The following SQOR variants were observed in gnomAD, a reference collection of about 807,000 sequenced individuals.
The protein encoded by SQOR is sulfide:quinone oxidoreductase, mitochondrial.
SQOR carries 39 observed loss-of-function variants against 48.6 expected under a neutral mutation model. The ratio of observed to expected loss-of-function variants is 0.80; its 90% CI spans 0.62 to 1.05. The LOEUF (loss-of-function observed/expected upper bound fraction) is 1.05. SQOR is among the 50% of genes least tolerant of loss of function. The probability of loss-of-function intolerance (pLI) is 0.00; values close to 1 mark genes in which losing one functional copy is unlikely to be tolerated. For missense variants in SQOR, 561 were observed against 559.9 expected, an observed-to-expected ratio of 1.00 and a Z score of -0.02; for synonymous variants, 220 against 206.2, an observed-to-expected ratio of 1.07 and a Z score of -0.57.
chr15:45,689,093 G>A lies in SQOR; in HGVS notation c.1171G>A (p.Ala391Thr). Residue 391 changes from alanine (A) to threonine (T), a missense_variant, in exon 9 of 10, where the codon GCT (alanine) becomes ACT (threonine). Ala to Thr is a moderately conservative substitution (Grantham distance 58). Coordinates refer to ENST00000260324, the MANE Select transcript of SQOR (RefSeq NM_021199.4). ...GACCGGCTACAACCGTGTGATTCTT[G>A]CTGAGTTTGACTACAAAGCAGAGCC... is the stretch of plus-strand genomic sequence containing the variant. The part of the protein sequence containing the change: ...LVTGYNRVIL[A>T]EFDYKAEPLE... 1 of 1,614,118 alleles carries A rather than the reference G, an allele frequency of 6.2e-7. No homozygotes were observed. The highest frequency in any genetic ancestry group is 8.5e-7 in the Non-Finnish European group (1 of 1,180,020).
intron 1 of SQOR, among the ~76,000 whole-genome samples, chr15:45,654,504 A>G (rs1053775399): frequency 1.5e-4 from 23 of 152,212 alleles, no homozygotes; most frequent in Admixed American, 1.5e-3. Flanking sequence ...TGGATAATTA[A>G]TGAAATAAAG....
At chr15:45,669,862 C>T (rs1054481848) in intron 3 of SQOR, 66 bp from the exon 4 acceptor site, 15 of 1,384,940 alleles carry the variant, frequency 1.1e-5, no homozygotes, top group Non-Finnish European at 1.5e-5. Context: ...CATCTGGGGC[C>T]TGAGTCAGTC....
At chr15:45,690,668 A>C (rs897855164) in intron 9 of SQOR, among the ~76,000 whole-genome samples, 1 of 141,630 alleles carries the variant, frequency 7.1e-6, no homozygotes, top group African/African-American at 2.6e-5. Flanking sequence ...GCAAAATCCT[A>C]CAGTTAATTA....
chr15:45,688,467 GT>G, intron 8 of SQOR, 63 bp downstream of exon 8: 1 of 1,204,364 alleles, frequency 8.3e-7, no homozygotes, highest in South Asian at 1.5e-5. Context: ...TAAAAGTAGT[GT>G]TTTCCCACAA....
chr15:45,636,181 A>C (rs1417023719), intron 1 of SQOR, among the ~76,000 whole-genome samples: 2 of 152,170 alleles, frequency 1.3e-5, no homozygotes, highest in African/African-American at 4.8e-5. Context: ...TTATAAAGGA[A>C]ACCAATTGCA....
chr15:45,668,012 T>G (rs1225307673), intron 3 of SQOR, among the ~76,000 whole-genome samples: 1 of 149,980 alleles, frequency 6.7e-6, no homozygotes, highest in Non-Finnish European at 1.5e-5. Context: ...TGGCGTGATC[T>G]TGGCTCACTG....
chr15:45,652,479 C>T (rs914133640), intron 1 of SQOR, among the ~76,000 whole-genome samples: 9 of 152,016 alleles, frequency 5.9e-5, no homozygotes, highest in Non-Finnish European at 1.5e-5. Flanking sequence ...GGATTACATG[C>T]ACGGGGTACC....
chr15:45,647,648 C>G (rs924128681), intron 1 of SQOR, among the ~76,000 whole-genome samples: 2 of 151,480 alleles, frequency 1.3e-5, no homozygotes, highest in Admixed American at 6.6e-5. Context: ...GGCCCGGTGG[C>G]TCAGGCCGGT....
At chr15:45,661,683 A>C (rs541595782) in intron 2 of SQOR, among the ~76,000 whole-genome samples, 1 of 152,338 alleles carries the variant, frequency 6.6e-6, no homozygotes, top group East Asian at 1.9e-4. Context: ...ACACCAAATC[A>C]ACTTTCAGCA....
At chr15:45,654,446 G>A (rs1041241564) in intron 1 of SQOR, among the ~76,000 whole-genome samples, 1 of 152,162 alleles carries the variant, frequency 6.6e-6, no homozygotes, top group African/African-American at 2.4e-5. Context: ...CAATAAATCT[G>A]GTTCAGAGGA....
intron 2 of SQOR, among the ~76,000 whole-genome samples, 166 bp downstream of exon 2, chr15:45,659,323 G>T (rs1889678960): frequency 6.6e-6 from 1 of 152,262 alleles, no homozygotes; most frequent in African/African-American, 2.4e-5. Flanking sequence ...CAGAAGGACT[G>T]GGAGGAAGTG....
chr15:45,651,204 C>T (rs995488240), intron 1 of SQOR, among the ~76,000 whole-genome samples: 9 of 152,194 alleles, frequency 5.9e-5, no homozygotes, highest in East Asian at 1.9e-4. Flanking sequence ...ACCTGCGGGC[C>T]GGCACTGCTG....
chr15:45,645,699 C>T (rs185272368), intron 1 of SQOR, among the ~76,000 whole-genome samples: 1 of 152,308 alleles, frequency 6.6e-6, no homozygotes, highest in East Asian at 1.9e-4. Flanking sequence ...GTACCATAGG[C>T]TCTCCCGGGT....
At chr15:45,641,358 G>A (rs1001979764) in intron 1 of SQOR, among the ~76,000 whole-genome samples, 3 of 152,172 alleles carry the variant, frequency 2.0e-5, no homozygotes, top group African/African-American at 7.2e-5. Flanking sequence ...AATTCCTACA[G>A]TTTTGCCCCT....
At chr15:45,668,585 C>T (rs1889880228) in intron 3 of SQOR, among the ~76,000 whole-genome samples, 1 of 152,162 alleles carries the variant, frequency 6.6e-6, no homozygotes, top group Non-Finnish European at 1.5e-5. Context: ...GGCTTTGGGG[C>T]TGAAGCTCCC....
rs184575424 is a variant in SQOR, at chr15:45,665,028, C to T, written c.405+2903C>T. Among the ~76,000 whole-genome samples the T allele has an allele frequency of 1.7e-4, 26 of 152,244 alleles. No individual in the cohort carries two copies. The East Asian group carries it at 4.6e-3, about 27-fold the overall frequency. Reference sequence around the variant, plus strand: ...CAGGAGACCTCTCTCATATCACACACAGCATCTCTTTGGTACAGCAGGGCC... The same window carrying T: ...CAGGAGACCTCTCTCATATCACACATAGCATCTCTTTGGTACAGCAGGGCC... On this transcript the variant is annotated intron_variant, in intron 3 of 9. Transcript: ENST00000260324.
chr15:45,638,829 C>T (rs1895057527), intron 1 of SQOR, among the ~76,000 whole-genome samples: 1 of 152,032 alleles, frequency 6.6e-6, no homozygotes, highest in Non-Finnish European at 1.5e-5. Flanking sequence ...GATGACTCGT[C>T]AGGAGCACAT....
intron 1 of SQOR, among the ~76,000 whole-genome samples, chr15:45,644,827 T>A (rs770690577): frequency 6.6e-6 from 1 of 152,152 alleles, no homozygotes; most frequent in Non-Finnish European, 1.5e-5. Flanking sequence ...GGCCCTGGAA[T>A]AATAAGGGCA....
At chr15:45,648,208 C>A (rs975577185) in intron 1 of SQOR, among the ~76,000 whole-genome samples, 1 of 151,150 alleles carries the variant, frequency 6.6e-6, no homozygotes, top group East Asian at 1.9e-4. Flanking sequence ...CGGAATCTTG[C>A]GCCACCGTCA....
Sources: allele counts gnomAD v4.1 joint callset (sites outside exome capture counted in the v4.1 genomes callset), GRCh38; gene constraint gnomAD v4.1.1; transcripts MANE v1.5; gene names NCBI Gene and HGNC (gene_info 2026-07-23, HGNC 2026-07-21).